LIMCH1: variants seen among roughly 807,000 people sequenced by gnomAD.
LIMCH1 encodes the protein LIM and calponin homology domains-containing protein 1.
Under a neutral mutation model 176.5 loss-of-function variants are expected in LIMCH1, and 113 were observed. That is an observed-to-expected ratio of 0.64 (90% CI 0.55 to 0.75). The LOEUF is 0.75. Ranked by LOEUF, LIMCH1 falls within the 30% of genes least tolerant of loss-of-function variation. LIMCH1 has a pLI of 0.00. For synonymous variants in LIMCH1, 619 were observed against 645.9 expected, an observed-to-expected ratio of 0.96 and a Z score of 0.63; for missense variants, 1,674 against 1,814.9, an observed-to-expected ratio of 0.92 and a Z score of 1.41.
At chr4:41,557,546 C>CTGTGTATGTGTG (rs375027661) in intron 1 of LIMCH1, among the ~76,000 whole-genome samples, 52 of 147,842 alleles carry the variant, frequency 3.5e-4, no homozygotes, top group African/African-American at 1.2e-3. Flanking sequence ...TTTATTGCCT[C>CTGTGTATGTGTG]TGTGTGTGTG....
chr4:41,511,015 C>T (rs73233711), intron 2 of LIMCH1, among the ~76,000 whole-genome samples: 325 of 152,294 alleles, frequency 2.1e-3, no homozygotes, highest in Non-Finnish European at 3.9e-3. Context: ...AGTGCTTGCC[C>T]TTCCTTAAGC....
At chr4:41,444,970 G>A (rs1262990157) in intron 1 of LIMCH1, among the ~76,000 whole-genome samples, 1 of 151,356 alleles carries the variant, frequency 6.6e-6, no homozygotes, top group Admixed American at 6.6e-5. Flanking sequence ...AATAACCACT[G>A]TGTGCTTTTG....
chr4:41,459,294 C>A (rs559089488), intron 1 of LIMCH1, among the ~76,000 whole-genome samples: 3 of 151,980 alleles, frequency 2.0e-5, no homozygotes, highest in Admixed American at 2.0e-4. Context: ...TCCCTCCCTC[C>A]CTCTGTCCCT....
chr4:41,393,680 T>C (rs780072207), intron 1 of LIMCH1, among the ~76,000 whole-genome samples: 20 of 152,162 alleles, frequency 1.3e-4, no homozygotes, highest in Non-Finnish European at 2.8e-4. Context: ...TTATAACAAA[T>C]ACCATGGCTT....
intron 14 of LIMCH1, among the ~76,000 whole-genome samples, chr4:41,639,356 T>C (rs564051794): frequency 3.9e-5 from 6 of 152,304 alleles, no homozygotes; most frequent in African/African-American, 7.2e-5. Context: ...AGGTAGTCAT[T>C]CCCATAGTCT....
intron 5 of LIMCH1, among the ~76,000 whole-genome samples, chr4:41,617,853 A>G (rs1018524106): frequency 6.6e-6 from 1 of 152,234 alleles, no homozygotes. Flanking sequence ...AACTATTATG[A>G]CATAAAGAGT....
At chr4:41,687,819 G>T (rs1722118342) in intron 28 of LIMCH1, 21 bp from the exon 29 acceptor site, 3 of 1,535,894 alleles carry the variant, frequency 2.0e-6, no homozygotes, top group East Asian at 2.3e-5. Flanking sequence ...CATAATTTTT[G>T]ACTCCTTTAC....
At chr4:41,644,152 C>T (rs1460499664) in intron 14 of LIMCH1, among the ~76,000 whole-genome samples, 5 of 152,334 alleles carry the variant, frequency 3.3e-5, no homozygotes, top group Non-Finnish European at 2.9e-5. Flanking sequence ...TTTTTAAATG[C>T]ATTTCCAAGT....
chr4:41,522,345 T>C (rs766006630), intron 2 of LIMCH1, among the ~76,000 whole-genome samples: 18 of 152,146 alleles, frequency 1.2e-4, no homozygotes, highest in Non-Finnish European at 2.2e-4. Flanking sequence ...TACACATATA[T>C]ATTTTTAAAT....
chr4:41,515,881 A>G (rs2075526860), intron 2 of LIMCH1, among the ~76,000 whole-genome samples: 1 of 152,208 alleles, frequency 6.6e-6, no homozygotes, highest in African/African-American at 2.4e-5. Flanking sequence ...TCAGAGCTGC[A>G]TCACAGCAAT....
intron 1 of LIMCH1, among the ~76,000 whole-genome samples, chr4:41,462,881 TA>T (rs1257637275): frequency 4.6e-5 from 7 of 151,854 alleles, no homozygotes; most frequent in East Asian, 1.9e-4. Context: ...ATAGACCTTT[TA>T]TTTTTTTTTA....
At chr4:41,502,139 C>T (rs535037594) in intron 2 of LIMCH1, among the ~76,000 whole-genome samples, 27 of 150,948 alleles carry the variant, frequency 1.8e-4, no homozygotes, top group African/African-American at 6.3e-4. Context: ...TCAGCTCCCC[C>T]TTATAAGTGA....
At chr4:41,461,741 G>T (rs978459002) in intron 1 of LIMCH1, among the ~76,000 whole-genome samples, 2 of 152,220 alleles carry the variant, frequency 1.3e-5, no homozygotes, top group African/African-American at 2.4e-5. Flanking sequence ...TGAGGATTTA[G>T]AATTGTGAAG....
intron 4 of LIMCH1, among the ~76,000 whole-genome samples, chr4:41,607,572 G>T (rs2090892178): frequency 2.6e-5 from 4 of 152,108 alleles, no homozygotes; most frequent in Admixed American, 2.6e-4. Flanking sequence ...AATAATAGAT[G>T]GGTCATGAAG....
chr4:41,681,415 A>G (rs1245219176), intron 25 of LIMCH1, among the ~76,000 whole-genome samples: 1 of 152,128 alleles, frequency 6.6e-6, no homozygotes, highest in Admixed American at 6.5e-5. Flanking sequence ...CATTCAATAT[A>G]TATTTATTCC....
chr4:41,629,778 A>T, intron 9 of LIMCH1, 44 bp downstream of exon 9: 1 of 1,487,642 alleles, frequency 6.7e-7, no homozygotes, highest in East Asian at 2.5e-5. Context: ...CAGTCATGGT[A>T]TTTCATTTTG....
intron 1 of LIMCH1, among the ~76,000 whole-genome samples, chr4:41,480,883 T>C (rs1351526667): frequency 6.6e-6 from 1 of 152,222 alleles, no homozygotes. Context: ...AGCTTAAGGA[T>C]GTGCAAACAC....
intron 1 of LIMCH1, among the ~76,000 whole-genome samples, chr4:41,563,032 A>C (rs2082260982): frequency 6.6e-6 from 1 of 152,212 alleles, no homozygotes; most frequent in African/African-American, 2.4e-5. Context: ...CCAGTGGAAC[A>C]CTGCAAAGGA....
intron 1 of LIMCH1, among the ~76,000 whole-genome samples, chr4:41,416,733 T>C (rs1345540608): frequency 2.0e-5 from 3 of 151,878 alleles, no homozygotes; most frequent in Non-Finnish European, 4.4e-5. Context: ...ACACACAATA[T>C]AGTATTAGGC....
Sources: gnomAD v4.1 joint callset for allele counts (sites outside exome capture counted in the v4.1 genomes callset) on GRCh38, gnomAD v4.1.1 for gene constraint, MANE v1.5 for transcripts, NCBI Gene and HGNC (gene_info 2026-07-23, HGNC 2026-07-21) for gene names.